TSPEAR: variants seen among roughly 807,000 people sequenced by gnomAD.
The protein encoded by TSPEAR is thrombospondin-type laminin G domain and EAR repeat-containing protein.
TSPEAR carries 69 observed loss-of-function variants against 71.6 expected under a neutral mutation model. That is an observed-to-expected ratio of 0.96 (90% confidence interval 0.79 to 1.18). The LOEUF is 1.18. Among genes scored for constraint, TSPEAR ranks in the 50% most tolerant of loss-of-function variants. The pLI, the probability that TSPEAR is intolerant of heterozygous loss-of-function variation, is 0.00. For missense variants in TSPEAR, 971 were observed against 894.9 expected, an observed-to-expected ratio of 1.09 and a Z score of -1.09; for synonymous variants, 402 against 387.2, an observed-to-expected ratio of 1.04 and a Z score of -0.45.
At chr21:44,529,661 C>A in intron 5 of TSPEAR, 137 bp downstream of exon 5, 1 of 978,904 alleles carries the variant, frequency 1.0e-6, no homozygotes, top group South Asian at 1.6e-5. Context: ...CCAATATGAC[C>A]GCTGCCCCCC....
intron 1 of TSPEAR, among the ~76,000 whole-genome samples, chr21:44,662,331 T>C (rs1455261463): frequency 2.6e-5 from 4 of 152,002 alleles, no homozygotes; most frequent in African/African-American, 9.7e-5. Flanking sequence ...TCAAGTAAAA[T>C]TGGAATGGCT....
At chr21:44,551,530 G>A in intron 2 of TSPEAR, 1 of 1,521,972 alleles carries the variant, frequency 6.6e-7, no homozygotes. Flanking sequence ...GTGTGAGTGA[G>A]TGTGTGTGTG....
Position 44,637,614 on chromosome 21 carries a change from A to G in TSPEAR, c.83-69609T>C, listed in dbSNP as rs782365261. 30 of 1,613,766 alleles carry G rather than the reference A, an allele frequency of 1.9e-5. No individual in the cohort carries two copies. The highest frequency in any genetic ancestry group is 1.2e-4 in the Admixed American group (7 of 60,002). ...GAGCCCAGCGCCTGCCAATCAGGCT[A>G]CACCAGCTCCTGCACAACCCCATGC... is the stretch of plus-strand genomic sequence containing the variant. On this transcript the variant is annotated intron_variant, in intron 1 of 11. Transcript: ENST00000323084.
chr21:44,512,787 G>C (rs2052428841), intron 9 of TSPEAR, among the ~76,000 whole-genome samples: 1 of 152,196 alleles, frequency 6.6e-6, no homozygotes, highest in Admixed American at 6.5e-5. Flanking sequence ...GTCAGCTGTG[G>C]GGGTGGGCAT....
intron 1 of TSPEAR, among the ~76,000 whole-genome samples, chr21:44,568,963 T>C (rs2146073920): frequency 6.6e-6 from 1 of 152,164 alleles, no homozygotes; most frequent in East Asian, 1.9e-4. Flanking sequence ...ATGTCATGGA[T>C]TCTCTGTGAA....
chr21:44,571,695 A>T (rs587648131), intron 1 of TSPEAR, among the ~76,000 whole-genome samples: 4 of 152,340 alleles, frequency 2.6e-5, no homozygotes, highest in Non-Finnish European at 5.9e-5. Flanking sequence ...CAGGGCCAAA[A>T]CGAAAGGACT....
At chr21:44,560,777 A>G (rs1398334591) in intron 2 of TSPEAR, among the ~76,000 whole-genome samples, 1 of 152,220 alleles carries the variant, frequency 6.6e-6, no homozygotes, top group East Asian at 1.9e-4. Flanking sequence ...AAGTTATTTG[A>G]AACCAATGAG....
intron 1 of TSPEAR, among the ~76,000 whole-genome samples, chr21:44,636,057 G>C (rs1039008632): frequency 1.4e-5 from 2 of 142,446 alleles, no homozygotes; most frequent in African/African-American, 6.2e-5. Context: ...TGTTTTAGTG[G>C]TAAGGACTTC....
At chr21:44,523,508 C>A (rs2052780211) in intron 8 of TSPEAR, among the ~76,000 whole-genome samples, 1 of 151,210 alleles carries the variant, frequency 6.6e-6, no homozygotes, top group Non-Finnish European at 1.5e-5. Flanking sequence ...GGTAGGCAGT[C>A]AGTCGTCAGT....
chr21:44,588,384 T>C (rs946105157), intron 1 of TSPEAR, among the ~76,000 whole-genome samples: 1 of 152,110 alleles, frequency 6.6e-6, no homozygotes, highest in Non-Finnish European at 1.5e-5. Flanking sequence ...TAATAGATGC[T>C]GGCACAGATG....
chr21:44,574,061 C>A (rs1331996125), intron 1 of TSPEAR: 2 of 1,613,010 alleles, frequency 1.2e-6, no homozygotes, highest in African/African-American at 1.3e-5. Flanking sequence ...CTTGCTGTGC[C>A]TCCTCCCCCT....
rs541435238 is a variant in TSPEAR, at chr21:44,697,531, C to T, written c.82+13902G>A. ...AGGCCTGCTGCGTGCCCGTCTGCTG[C>T]AAGACTGTCTGCTGCAAGCCTGTGT... On this transcript the variant is annotated intron_variant, in intron 1 of 11. Coordinates refer to ENST00000323084, the MANE Select transcript of TSPEAR (RefSeq NM_144991.3). 11 of 1,613,792 alleles carry T rather than the reference C, an allele frequency of 6.8e-6. No individual in the cohort carries two copies. In the East Asian group the frequency reaches 1.3e-4, roughly 20 times the overall value.
At chr21:44,682,788 C>T (rs952494765) in intron 1 of TSPEAR, among the ~76,000 whole-genome samples, 6 of 152,190 alleles carry the variant, frequency 3.9e-5, no homozygotes, top group African/African-American at 1.4e-4. Flanking sequence ...CAGCCGGAGT[C>T]AGAGCAGAAT....
In TSPEAR at chr21:44,612,057, C is replaced by T. The variant is rs1981711160; in HGVS notation, c.83-44052G>A. 6.3e-7 allele frequency: 1 copy of T among 1,584,454 alleles called. No individual in the cohort carries two copies. Among genetic ancestry groups the T allele is most frequent in the African/African-American group, 1.3e-5 (1 of 74,560 alleles). On this transcript the variant is annotated intron_variant, in intron 1 of 11. Coordinates refer to ENST00000323084, the MANE Select transcript of TSPEAR (RefSeq NM_144991.3). This position sits in a 1 kb window ranked among gnomAD's most constrained non-coding sequence, Gnocchi z 4.1. Reference sequence around the variant, plus strand: ...TCAGCAGCCAGGGCACACAAACCCACACACCTCACACCAGCACTCACACCA... The same window carrying T: ...TCAGCAGCCAGGGCACACAAACCCATACACCTCACACCAGCACTCACACCA...
chr21:44,513,225 C>T (rs1029905712), intron 9 of TSPEAR, among the ~76,000 whole-genome samples: 1 of 152,200 alleles, frequency 6.6e-6, no homozygotes, highest in African/African-American at 2.4e-5. Context: ...CCCCTCCTCC[C>T]TATGCCAGGC....
chr21:44,649,415 T>C (rs1337331196), intron 1 of TSPEAR, among the ~76,000 whole-genome samples: 1 of 152,190 alleles, frequency 6.6e-6, no homozygotes, highest in Admixed American at 6.5e-5. Flanking sequence ...AGGGGTACAC[T>C]GGCTGGTGCT....
intron 1 of TSPEAR, chr21:44,654,634 G>A (rs1985025400): frequency 2.0e-6 from 3 of 1,504,070 alleles, no homozygotes; most frequent in African/African-American, 2.7e-5. Flanking sequence ...TGGACAGGTG[G>A]GGGGCGCAGA....
intron 1 of TSPEAR, among the ~76,000 whole-genome samples, chr21:44,614,578 C>T (rs1257775017): frequency 6.6e-6 from 1 of 152,246 alleles, no homozygotes; most frequent in Non-Finnish European, 1.5e-5. Flanking sequence ...GGCTCCGGAA[C>T]GTTCCTACTG....
At chr21:44,508,180 C>G (rs1261829743) in intron 10 of TSPEAR, 1 of 153,378 alleles carries the variant, frequency 6.5e-6, no homozygotes, top group African/African-American at 2.4e-5. Flanking sequence ...CGTGGGCACG[C>G]ACAGCTGAGC....
Sources: allele counts gnomAD v4.1 joint callset (sites outside exome capture counted in the v4.1 genomes callset), GRCh38; gene constraint gnomAD v4.1.1; non-coding constraint Gnocchi (gnomAD v3.1); transcripts MANE v1.5; gene names NCBI Gene and HGNC (gene_info 2026-07-23, HGNC 2026-07-21).